C1QTNF9B: variants seen among roughly 807,000 people sequenced by gnomAD.
C1QTNF9B encodes C1q and TNF related 9B.
In C1QTNF9B, 9 loss-of-function variants were observed where a neutral mutation model predicts 10.1. The ratio of observed to expected loss-of-function variants is 0.89; its 90% CI spans 0.53 to 1.55. C1QTNF9B has a LOEUF of 1.55. Among genes scored for constraint, C1QTNF9B ranks in the 40% most tolerant of loss-of-function variants. The pLI, the probability that C1QTNF9B is intolerant of heterozygous loss-of-function variation, is 0.00. For synonymous variants in C1QTNF9B, 79 were observed against 159.9 expected (o/e 0.49, Z 3.82); for missense variants, 196 against 414.4 (o/e 0.47, Z 4.58).
Position 23,892,837 on chromosome 13 carries a change from C to G in C1QTNF9B, c.230-776G>C, listed in dbSNP as rs113300839. Among the ~76,000 whole-genome samples the G allele has an allele frequency of 5.2e-3, 796 of 152,268 alleles. 9 individuals carry two copies. The highest frequency in any genetic ancestry group is 0.019 in the African/African-American group (777 of 41,542). On this transcript the variant is annotated intron_variant, in intron 2 of 2. Transcript: ENST00000382137. The stretch of plus-strand genomic sequence containing the variant: ...GCTATTAAATAATGTCAATCCATGA[C>G]AAAAAGCACTCTGCAGAGCAGAGAC...
intron 2 of C1QTNF9B, among the ~76,000 whole-genome samples, chr13:23,892,742 A>G (rs1281574310): frequency 6.6e-6 from 1 of 152,212 alleles, no homozygotes; most frequent in Non-Finnish European, 1.5e-5. Context: ...CCTTTTGACT[A>G]CTGTCTACTA....
At chr13:23,893,218 T>C (rs1017487540) in intron 2 of C1QTNF9B, among the ~76,000 whole-genome samples, 4 of 152,178 alleles carry the variant, frequency 2.6e-5, no homozygotes, top group Non-Finnish European at 4.4e-5. Context: ...ATGTTGCATT[T>C]GGTGAGTCAG....
chr13:23,896,006 AAACTATCAGGCC>A (rs1454000160), intron 1 of C1QTNF9B, among the ~76,000 whole-genome samples: 2 of 152,240 alleles, frequency 1.3e-5, no homozygotes, highest in Admixed American at 6.5e-5. Flanking sequence ...CCCATTCAAA[AAACTATCAGGCC>A]ACCAAATGCC....
rs770812740 is a variant in C1QTNF9B, at chr13:23,891,346, A to C, written c.945T>G (p.Phe315Leu). Residue 315 changes from phenylalanine (F) to leucine (L), a missense_variant, in exon 3 of 3, where the codon TTT becomes TTG. Physicochemically the swap from Phe to Leu is conservative, Grantham distance 22. Coordinates refer to ENST00000382137, the Ensembl canonical transcript of C1QTNF9B. ...AAGTTGTGTCATCGTCCTCATCAGCAAACAAGCCATTGAACCTCTCTCCTC... is the reference window on the plus strand; with the variant it reads ...AAGTTGTGTCATCGTCCTCATCAGCCAACAAGCCATTGAACCTCTCTCCTC... 6.5e-5 allele frequency: 102 copies of C among 1,573,418 alleles called. 3 individuals carry two copies. The Admixed American group carries it at 1.7e-3, about 27-fold the overall frequency.
intron 2 of C1QTNF9B, among the ~76,000 whole-genome samples, chr13:23,893,752 G>A (rs980936853): frequency 2.0e-5 from 3 of 152,224 alleles, no homozygotes; most frequent in Non-Finnish European, 4.4e-5. Flanking sequence ...TTACAGGTGT[G>A]AGGCATGGTG....
intron 2 of C1QTNF9B, 120 bp from the exon 5 acceptor site, chr13:23,892,181 C>T: frequency 2.1e-6 from 3 of 1,417,620 alleles, no homozygotes; most frequent in Non-Finnish European, 2.9e-6. Context: ...TCAGTATATG[C>T]CCAGAGTTTA....
intron 1 of C1QTNF9B, among the ~76,000 whole-genome samples, chr13:23,895,897 G>A (rs894131544): frequency 2.0e-5 from 3 of 152,170 alleles, no homozygotes; most frequent in African/African-American, 7.2e-5. Flanking sequence ...GTCTCAATGA[G>A]CTGGAGATGT....
exon 3 of C1QTNF9B, chr13:23,891,762 C>A: frequency 6.2e-7 from 1 of 1,614,070 alleles, no homozygotes; most frequent in South Asian, 1.1e-5. Flanking sequence ...ATTCCCCGGA[C>A]TCCTGGCTCA....
intron 1 of C1QTNF9B, among the ~76,000 whole-genome samples, chr13:23,896,358 C>T (rs770679137): frequency 1.1e-4 from 16 of 152,306 alleles, no homozygotes; most frequent in Admixed American, 9.1e-4. Flanking sequence ...TCTGTCACTC[C>T]GCATCTCCTG....
rs536693675 is a variant in C1QTNF9B at position 23,894,942 on chromosome 13, G to A, written c.167-741C>T. ...CTCTGGCTTCTCACAAAGCAGCAGA[G>A]ACTCCCATACTTCAGACCCACTGAC... On this transcript the variant is annotated intron_variant, in intron 1 of 2. Coordinates refer to ENST00000382137, the Ensembl canonical transcript of C1QTNF9B. Among the ~76,000 whole-genome samples, 23 of 152,330 alleles carry A rather than the reference G, an allele frequency of 1.5e-4. 1 individual carries two copies. The highest frequency in any genetic ancestry group is 1.4e-3 in the Admixed American group (21 of 15,304).
At chr13:23,891,585 T>C in exon 3 of C1QTNF9B, 1 of 1,584,334 alleles carries the variant, frequency 6.3e-7, no homozygotes, top group Non-Finnish European at 8.7e-7. Context: ...CCCACTGCTG[T>C]ATCATAATGG....
At position 23,896,808 on chromosome 13, in the gene C1QTNF9B, G is replaced by T. The variant is rs778585376; in HGVS notation, c.166+13C>A. The T allele has an allele frequency of 6.2e-7, 1 of 1,612,454 alleles. No homozygotes were observed. The highest frequency in any genetic ancestry group is 8.5e-7 in the Non-Finnish European group (1 of 1,178,956). Reference sequence around the variant, plus strand: ...GAGAAGCTCAAAGGCAGCCGAAGCCGTCAGGTGAGTACCTGCATCGCCTTT... The same window carrying T: ...GAGAAGCTCAAAGGCAGCCGAAGCCTTCAGGTGAGTACCTGCATCGCCTTT... On this transcript the variant is annotated intron_variant, in intron 1 of 2. Coordinates refer to ENST00000382137, the Ensembl canonical transcript of C1QTNF9B.
chr13:23,897,309 T>C (rs1175200669), upstream of C1QTNF9B: 7 of 433,302 alleles, frequency 1.6e-5, no homozygotes, highest in Non-Finnish European at 2.9e-5. Context: ...ATCACTTCTC[T>C]TAACCACAGA....
chr13:23,894,519 G>A, intron 1 of C1QTNF9B: 1 of 596,042 alleles, frequency 1.7e-6, no homozygotes, highest in Non-Finnish European at 3.2e-6. Flanking sequence ...ACAATTGATT[G>A]TGTTCCTCTC....
chr13:23,894,515 G>C (rs1872130403), intron 1 of C1QTNF9B: 2 of 600,496 alleles, frequency 3.3e-6, no homozygotes, highest in Non-Finnish European at 6.3e-6. Context: ...TGTCACAATT[G>C]ATTGTGTTCC....
chr13:23,897,365 A>T (rs1593223136), upstream of C1QTNF9B: 2 of 305,466 alleles, frequency 6.5e-6, no homozygotes, highest in East Asian at 1.1e-4. Context: ...ATCAAATTTT[A>T]TCACAATATG....
Position 23,894,493 on chromosome 13 carries a change from A to G in C1QTNF9B, c.167-292T>C, listed in dbSNP as rs147067007. On this transcript the variant is annotated intron_variant, in intron 1 of 2. Transcript: ENST00000382137. ...ACAGGACGAAGAGGGAGTGTGTGCA[A>G]TGGGGACTGACTGTCACAATTGATT... 630 of 605,430 alleles carry G rather than the reference A, an allele frequency of 1.0e-3. 6 individuals carry two copies. The highest frequency in any genetic ancestry group is 7.3e-3 in the African/African-American group (390 of 53,280). 37.5% of individuals were successfully genotyped at this position (605,430 alleles called of 1,614,324 possible).
chr13:23,891,832 G>A (rs377652914), exon 3 of C1QTNF9B: 1 of 1,612,368 alleles, frequency 6.2e-7, no homozygotes, highest in Non-Finnish European at 8.5e-7. Context: ...TAGGGCCCAT[G>A]GGGCCCGGTA....
At chr13:23,895,600 G>A (rs1872172633) in intron 1 of C1QTNF9B, among the ~76,000 whole-genome samples, 1 of 152,132 alleles carries the variant, frequency 6.6e-6, no homozygotes, top group Non-Finnish European at 1.5e-5. Flanking sequence ...CACGGAAGAG[G>A]TAGAGAAATT....
Sources: gnomAD v4.1 joint callset for allele counts (sites outside exome capture counted in the v4.1 genomes callset) on GRCh38, gnomAD v4.1.1 for gene constraint, MANE v1.5 for transcripts, NCBI Gene and HGNC (gene_info 2026-07-23, HGNC 2026-07-21) for gene names.